ATR: variants seen among roughly 807,000 people sequenced by gnomAD.
ATR encodes serine/threonine-protein kinase ATR.
ATR carries 142 observed loss-of-function variants against 305.3 expected under a neutral mutation model. The ratio of observed to expected loss-of-function variants is 0.47; its 90% CI spans 0.41 to 0.53. The LOEUF is 0.53. Among genes scored for constraint, ATR ranks in the 20% least tolerant of loss-of-function variants. The pLI is 0.00. For synonymous variants in ATR, 1,050 were observed against 1,068.1 expected (o/e 0.98, Z 0.33); for missense variants, 2,135 against 3,133.1 (o/e 0.68, Z 7.60).
chr3:142,474,560 A>G (rs1311806460), intron 36 of ATR, among the ~76,000 whole-genome samples: 1 of 152,168 alleles, frequency 6.6e-6, no homozygotes, highest in African/African-American at 2.4e-5. Flanking sequence ...AATGCTACTT[A>G]CTTTTGTATG....
intron 28 of ATR, 130 bp from the exon 29 acceptor site, chr3:142,505,433 T>C: frequency 9.3e-7 from 1 of 1,072,072 alleles, no homozygotes; most frequent in Non-Finnish European, 1.4e-6. Flanking sequence ...ATAGTAAGCA[T>C]TTGTTTCATG....
At position 142,560,751 on chromosome 3, in the gene ATR, A is replaced by G. The variant is rs572219548; in HGVS notation, c.1350-297T>C. Among the ~76,000 whole-genome samples the G allele has an allele frequency of 4.9e-4, 75 of 152,204 alleles. 2 individuals are homozygous for G. The South Asian group carries it at 8.9e-3, about 18-fold the overall frequency. On this transcript the variant is annotated intron_variant, in intron 5 of 46. Transcript: ENST00000350721. Reference sequence around the variant, plus strand: ...AATTTTTTGTATTTTTAGTAGAGACAGGGTTTCACCGTGTTAGCCAGGATG... The same window carrying G: ...AATTTTTTGTATTTTTAGTAGAGACGGGGTTTCACCGTGTTAGCCAGGATG...
intron 17 of ATR, among the ~76,000 whole-genome samples, chr3:142,541,870 C>T (rs1388018208): frequency 1.3e-5 from 2 of 149,272 alleles, no homozygotes; most frequent in East Asian, 3.9e-4. Context: ...TTTCTTGGCT[C>T]CTTAATAAAA....
At chr3:142,532,015 A>C (rs2033671564) in intron 21 of ATR, among the ~76,000 whole-genome samples, 1 of 152,134 alleles carries the variant, frequency 6.6e-6, no homozygotes, top group African/African-American at 2.4e-5. Flanking sequence ...AGTGAGGATG[A>C]GCATTTTTTC....
At position 142,562,441 on chromosome 3, in the gene ATR, G is replaced by A. The variant is rs2108487276; in HGVS notation, c.961C>T (p.Leu321=). The A allele has an allele frequency of 6.2e-7, 1 of 1,614,084 alleles. No individual in the cohort carries two copies. Among genetic ancestry groups the A allele is most frequent in the African/African-American group, 1.3e-5 (1 of 75,032 alleles). ...AACATGACACAGAGTTTTTCCAGCA[G>A]CATATTTAAATAGACAGGTTCAATA... ...RNIEPVYLNM[L]LEKLCVMFED... is the part of the protein sequence containing the mutation. Residue 321 remains leucine, a synonymous_variant, in exon 4 of 47, where the codon CTG becomes TTG. Coordinates refer to ENST00000350721, the MANE Select transcript of ATR (RefSeq NM_001184.4).
chr3:142,490,415 C>T lies in ATR; in HGVS notation c.6078+2717G>A, dbSNP rs543470141. ...GGTTCTCTATAATTTAGCTACAAATCCTCTGTCATATATGTATTACAAGTA... is the reference window on the plus strand; with the variant it reads ...GGTTCTCTATAATTTAGCTACAAATTCTCTGTCATATATGTATTACAAGTA... On this transcript the variant is annotated intron_variant, in intron 35 of 46. Transcript: ENST00000350721. 3.3e-5 allele frequency among the ~76,000 whole-genome samples: 5 copies of T among 152,288 alleles called. No individual in the cohort carries two copies. The South Asian group carries it at 1.0e-3, about 32-fold the overall frequency.
In ATR at chr3:142,535,135, AC is replaced by A. The variant is rs777280689; in HGVS notation, c.3889del (p.Val1297SerfsTer11). The stretch of plus-strand genomic sequence containing the variant: ...TGTAAGAGCATGAATACGAACATCG[AC>A]ATTTTCATGTTGAATGGCCTTCATA... ...LSMKAIQHEN[V>X]DVRIHALTSL... On this transcript the variant is annotated frameshift_variant, in exon 21 of 47. Coordinates refer to ENST00000350721, the MANE Select transcript of ATR (RefSeq NM_001184.4). LOFTEE classifies it high-confidence loss of function. The A allele has an allele frequency of 6.2e-6, 10 of 1,613,156 alleles. No homozygotes were observed. In the Admixed American group the frequency reaches 1.7e-4, roughly 27 times the overall value.
At chr3:142,578,583 A>G in intron 1 of ATR, 63 bp downstream of exon 1, 1 of 1,549,132 alleles carries the variant, frequency 6.5e-7, no homozygotes, top group South Asian at 1.2e-5. Flanking sequence ...AGGGGAGAGC[A>G]CGTGAAACCC....
intron 45 of ATR, among the ~76,000 whole-genome samples, chr3:142,457,017 CTATT>C (rs1280786854): frequency 1.3e-5 from 2 of 152,128 alleles, no homozygotes; most frequent in African/African-American, 4.8e-5. Flanking sequence ...CACAGCCACA[CTATT>C]TATAATACAC....
intron 46 of ATR, chr3:142,452,378 A>G: frequency 1.0e-6 from 1 of 986,984 alleles, no homozygotes; most frequent in Non-Finnish European, 1.2e-6. Flanking sequence ...CTAACTTATT[A>G]AAAACAACTA....
intron 35 of ATR, among the ~76,000 whole-genome samples, chr3:142,490,198 A>G (rs2031195361): frequency 1.3e-5 from 2 of 152,190 alleles, no homozygotes; most frequent in Admixed American, 1.3e-4. Flanking sequence ...AGCTAAAACT[A>G]TAGGCATTCG....
At chr3:142,452,442 A>G in intron 46 of ATR, 1 of 967,388 alleles carries the variant, frequency 1.0e-6, no homozygotes, top group Non-Finnish European at 1.2e-6. Context: ...TGGGATGCTG[A>G]GGTGGGTGGA....
intron 16 of ATR, among the ~76,000 whole-genome samples, chr3:142,546,651 A>G (rs1276697186): frequency 6.6e-6 from 1 of 152,224 alleles, no homozygotes. Context: ...ATTTACAGGG[A>G]AAAAGCCAGT....
At chr3:142,512,571 G>GA in intron 26 of ATR, 101 bp from the exon 27 acceptor site, 1 of 1,019,188 alleles carries the variant, frequency 9.8e-7, no homozygotes, top group Non-Finnish European at 1.4e-6. Context: ...ATTTTCAAAA[G>GA]AAAAAACACA....
intron 31 of ATR, chr3:142,499,295 C>CTTTT (rs535115635): frequency 2.0e-5 from 5 of 254,438 alleles, no homozygotes; most frequent in African/African-American, 2.4e-5. Flanking sequence ...ATTAAAACCG[C>CTTTT]TTTTTTTTTT....
At chr3:142,481,891 T>C (rs2030520025) in intron 36 of ATR, among the ~76,000 whole-genome samples, 1 of 152,072 alleles carries the variant, frequency 6.6e-6, no homozygotes, top group East Asian at 1.9e-4. Context: ...GGCATGATCA[T>C]AGCTCTCCGC....
chr3:142,489,181 A>G (rs139345791), intron 35 of ATR, among the ~76,000 whole-genome samples: 102 of 152,196 alleles, frequency 6.7e-4, no homozygotes, highest in African/African-American at 2.0e-3. Flanking sequence ...CACAAAATAA[A>G]AAATTAGCTG....
chr3:142,551,996 AG>A (rs1375100287), intron 13 of ATR, among the ~76,000 whole-genome samples: 3 of 152,188 alleles, frequency 2.0e-5, no homozygotes, highest in African/African-American at 7.2e-5. Flanking sequence ...AAGTGGGCAA[AG>A]GACATAAACA....
At chr3:142,528,796 T>C (rs2033502589) in intron 21 of ATR, among the ~76,000 whole-genome samples, 1 of 146,056 alleles carries the variant, frequency 6.8e-6, no homozygotes, top group Non-Finnish European at 1.5e-5. Context: ...CTGTTTCGTG[T>C]TTAAAAAATC....
Sources: allele counts gnomAD v4.1 joint callset (sites outside exome capture counted in the v4.1 genomes callset), GRCh38; gene constraint gnomAD v4.1.1; transcripts MANE v1.5; gene names NCBI Gene and HGNC (gene_info 2026-07-23, HGNC 2026-07-21).